HTR4: variants seen among roughly 807,000 people sequenced by gnomAD.
HTR4 encodes 5-hydroxytryptamine (serotonin) receptor 4, G protein-coupled.
HTR4 carries 16 observed loss-of-function variants against 36.8 expected under a neutral mutation model. The ratio of observed to expected loss-of-function variants is 0.43; its 90% CI spans 0.29 to 0.66. HTR4 has a LOEUF of 0.66. Among genes scored for constraint, HTR4 ranks in the 30% least tolerant of loss-of-function variants. HTR4 has a pLI of 0.13. For missense variants in HTR4, 438 were observed against 490.9 expected (o/e 0.89, Z 1.02); for synonymous variants, 189 against 185.1 (o/e 1.02, Z -0.17).
intron 1 of HTR4, among the ~76,000 whole-genome samples, chr5:148,652,277 A>T (rs1208957428): frequency 6.6e-6 from 1 of 152,216 alleles, no homozygotes; most frequent in Non-Finnish European, 1.5e-5. Flanking sequence ...CTGCCTATAG[A>T]TGAAAACTAT....
chr5:148,487,679 GCGAGC>G (rs1437214541), intron 6 of HTR4, among the ~76,000 whole-genome samples: 18 of 150,684 alleles, frequency 1.2e-4, no homozygotes, highest in African/African-American at 4.2e-4. Flanking sequence ...ATACCAGAGA[GCGAGC>G]TTAGAGATAG....
rs1755967681 is a variant in HTR4 at position 148,483,104 on chromosome 5, G to A, written c.*99C>T. ...CTGCACTGGCGGACGGAAAGCCTCA[G>A]GTGAAGAGAATACCGGGTGCAGTCG... On this transcript the variant is annotated 3_prime_UTR_variant, in exon 7 of 7. Transcript: ENST00000377888. The A allele has an allele frequency of 1.9e-6, 3 of 1,569,876 alleles. No homozygotes were observed. Among genetic ancestry groups the A allele is most frequent in the South Asian group, 2.3e-5 (2 of 85,998 alleles).
At chr5:148,473,651 A>G (rs1755627354), downstream of HTR4, among the ~76,000 whole-genome samples, 1 of 152,110 alleles carries the variant, frequency 6.6e-6, no homozygotes, top group Non-Finnish European at 1.5e-5. Context: ...GTGGCCATTG[A>G]ACAAAATTGA....
At chr5:148,463,930 G>C (rs1321246188) in intron 5 of HTR4, among the ~76,000 whole-genome samples, 1 of 151,182 alleles carries the variant, frequency 6.6e-6, no homozygotes, top group East Asian at 2.0e-4. Context: ...AGCAGACCAA[G>C]GTAGATATAG....
intron 4 of HTR4, among the ~76,000 whole-genome samples, chr5:148,525,340 ATT>A (rs1186947652): frequency 6.6e-6 from 1 of 151,460 alleles, no homozygotes; most frequent in Non-Finnish European, 1.5e-5. Context: ...TTTTTTTCAA[ATT>A]TTGTTTCCTT....
chr5:148,623,018 G>T (rs556544374), intron 2 of HTR4, among the ~76,000 whole-genome samples: 53 of 152,182 alleles, frequency 3.5e-4, no homozygotes, highest in African/African-American at 1.3e-3. Context: ...AAAAAGAAGG[G>T]GTAGAAAATA....
intron 2 of HTR4, among the ~76,000 whole-genome samples, chr5:148,556,480 C>T (rs1206711568): frequency 2.6e-5 from 4 of 152,052 alleles, no homozygotes; most frequent in Admixed American, 6.6e-5. Context: ...GTATTGAGTG[C>T]CAACTATATA....
chr5:148,574,362 G>A (rs2113886641), intron 2 of HTR4, among the ~76,000 whole-genome samples: 1 of 151,676 alleles, frequency 6.6e-6, no homozygotes, highest in African/African-American at 2.4e-5. Context: ...CCTGATAAAA[G>A]GGCAAATATG....
At chr5:148,490,698 C>T (rs1756376777) in intron 6 of HTR4, 1 of 1,211,634 alleles carries the variant, frequency 8.3e-7, no homozygotes, top group Non-Finnish European at 1.0e-6. Flanking sequence ...ATCCAATTGT[C>T]TCCTTCAACT....
chr5:148,603,835 G>T (rs1052456620), intron 2 of HTR4, among the ~76,000 whole-genome samples: 12 of 152,018 alleles, frequency 7.9e-5, no homozygotes, highest in Non-Finnish European at 1.6e-4. Context: ...ATTGGTATAA[G>T]AGTTGACTAA....
At chr5:148,540,894 G>A (rs1759088047) in intron 4 of HTR4, among the ~76,000 whole-genome samples, 1 of 152,072 alleles carries the variant, frequency 6.6e-6, no homozygotes, top group South Asian at 2.1e-4. Context: ...AGAACAAGAT[G>A]ACTATCAGTG....
rs185280216 is a variant in HTR4 at position 148,616,842 on chromosome 5, A to C, written c.26+20147T>G. The stretch of plus-strand genomic sequence containing the variant: ...CTCCACAATAGCCAACATAGTTTTT[A>C]ATGACTTCTGCACTACACCAGGATC... On this transcript the variant is annotated intron_variant, in intron 2 of 6. Coordinates refer to ENST00000377888, the MANE Select transcript of HTR4 (RefSeq NM_000870.7). 6.2e-3 allele frequency among the ~76,000 whole-genome samples: 947 copies of C among 152,288 alleles called. 11 individuals carry two copies. The highest frequency in any genetic ancestry group is 0.01 in the Non-Finnish European group (690 of 68,014).
At chr5:148,608,860 A>G (rs1011123738) in intron 2 of HTR4, among the ~76,000 whole-genome samples, 1 of 152,176 alleles carries the variant, frequency 6.6e-6, no homozygotes, top group Admixed American at 6.5e-5. Context: ...GGGATTAAGG[A>G]GGTCGAAGCA....
chr5:148,560,826 A>G (rs1223741768), intron 2 of HTR4, among the ~76,000 whole-genome samples: 1 of 152,196 alleles, frequency 6.6e-6, no homozygotes, highest in African/African-American at 2.4e-5. Flanking sequence ...TTCTCCTACT[A>G]AATTTTAAAC....
chr5:148,485,131 A>G lies in HTR4; in HGVS notation c.1077-1838T>C, dbSNP rs748202149. 2.2e-4 allele frequency among the ~76,000 whole-genome samples: 34 copies of G among 152,216 alleles called. 1 individual carries two copies. Among genetic ancestry groups the G allele is most frequent in the Non-Finnish European group, 4.4e-4 (30 of 68,036 alleles). On this transcript the variant is annotated intron_variant, in intron 6 of 6. Coordinates refer to ENST00000377888, the MANE Select transcript of HTR4 (RefSeq NM_000870.7). ...ATTGGCCAAATCCCCTTTGTATCAT[A>G]TTTGTTATTATTGTCATTATTAGCA...
chr5:148,618,738 ACTGTTCCTT>A (rs1752803120), intron 2 of HTR4, among the ~76,000 whole-genome samples: 1 of 152,134 alleles, frequency 6.6e-6, no homozygotes, highest in African/African-American at 2.4e-5. Flanking sequence ...TCAACCTATC[ACTGTTCCTT>A]CATGTCAACC....
intron 2 of HTR4, among the ~76,000 whole-genome samples, chr5:148,571,261 G>T (rs904155678): frequency 6.6e-6 from 1 of 151,980 alleles, no homozygotes; most frequent in African/African-American, 2.4e-5. Context: ...CTTTCATTTG[G>T]TTCAGAACAA....
At chr5:148,491,945 A>G (rs34070447) in intron 6 of HTR4, among the ~76,000 whole-genome samples, 69,875 of 151,932 alleles carry the variant, frequency 0.46, 16,601 homozygotes, top group African/African-American at 0.58. Flanking sequence ...TGGAATCTCT[A>G]CAAGCAGAGC....
chr5:148,548,954 G>A lies in HTR4; in HGVS notation c.153-86C>T, dbSNP rs1270807464. 1.6e-5 allele frequency: 14 copies of A among 896,964 alleles called. No homozygotes were observed. In the East Asian group the frequency reaches 3.4e-4, roughly 22 times the overall value. 55.6% of individuals were successfully genotyped at this position (896,964 alleles called of 1,614,324 possible). On this transcript the variant is annotated intron_variant, in intron 3 of 6. Transcript: ENST00000377888. ...GAGAAGAGATCAAGAGAAAAAACAG[G>A]GAAAAGGGAAACAAAGAAAGAAGAA...
Sources: gnomAD v4.1 joint callset for allele counts (sites outside exome capture counted in the v4.1 genomes callset) on GRCh38, gnomAD v4.1.1 for gene constraint, MANE v1.5 for transcripts, NCBI Gene and HGNC (gene_info 2026-07-23, HGNC 2026-07-21) for gene names.